Variants in GLIS3 observed in about 807,000 individuals in gnomAD.
GLIS3 encodes GLIS family zinc finger 3.
GLIS3 carries 53 observed loss-of-function variants against 78.6 expected under a neutral mutation model. That is an observed-to-expected ratio of 0.67 (90% CI 0.54 to 0.85). The LOEUF (loss-of-function observed/expected upper bound fraction) is 0.85. Ranked by LOEUF, GLIS3 falls within the 40% of genes least tolerant of loss-of-function variation. The pLI is 0.00. For missense variants in GLIS3, 1,703 were observed against 1,231.1 expected, an observed-to-expected ratio of 1.38 and a Z score of -5.74; for synonymous variants, 684 against 509.9, an observed-to-expected ratio of 1.34 and a Z score of -4.60.
At chr9:4,141,004 T>G (rs756926673) in intron 2 of GLIS3, among the ~76,000 whole-genome samples, 2 of 152,220 alleles carry the variant, frequency 1.3e-5, no homozygotes, top group Non-Finnish European at 2.9e-5. Flanking sequence ...TTCATCATGT[T>G]GGACAGGCTG....
At chr9:4,476,421 G>A in the GLIS3 span, among the ~76,000 whole-genome samples, 8 of 152,172 alleles carry the variant, frequency 5.3e-5, no homozygotes, top group South Asian at 1.7e-3. Context: ...GAGTGCAATG[G>A]CAGGATCTCA....
the GLIS3 span, among the ~76,000 whole-genome samples, chr9:4,456,706 C>T: frequency 6.6e-6 from 1 of 152,136 alleles, no homozygotes; most frequent in Non-Finnish European, 1.5e-5. Flanking sequence ...ACTTAGAGGC[C>T]ATTGTAGGGT....
intron 2 of GLIS3, among the ~76,000 whole-genome samples, chr9:4,200,767 A>G (rs1014578318): frequency 6.6e-6 from 1 of 152,230 alleles, no homozygotes; most frequent in African/African-American, 2.4e-5. Flanking sequence ...TACAAAGAAG[A>G]GCTGATAATA....
intron 4 of GLIS3, among the ~76,000 whole-genome samples, chr9:3,952,886 C>T (rs1178740066): frequency 6.6e-6 from 1 of 152,176 alleles, no homozygotes; most frequent in African/African-American, 2.4e-5. Flanking sequence ...CTTCAGGCCA[C>T]ACTTCGTTTA....
At chr9:4,167,610 A>C (rs1815980083) in intron 2 of GLIS3, among the ~76,000 whole-genome samples, 1 of 152,198 alleles carries the variant, frequency 6.6e-6, no homozygotes, top group Non-Finnish European at 1.5e-5. Flanking sequence ...TTCCTGGTAC[A>C]TAAAGTGAGG....
chr9:3,829,548 T>A, intron 9 of GLIS3, 56 bp from the exon 10 acceptor site: 6 of 1,588,548 alleles, frequency 3.8e-6, no homozygotes, highest in South Asian at 2.2e-5. Flanking sequence ...GTTCCACAGA[T>A]CATTCCAACC....
chr9:4,356,713 C>G, the GLIS3 span, among the ~76,000 whole-genome samples: 1 of 152,150 alleles, frequency 6.6e-6, no homozygotes, highest in African/African-American at 2.4e-5. Context: ...AATCGCATGA[C>G]TATTAGAGCA....
chr9:4,383,037 G>T, the GLIS3 span, among the ~76,000 whole-genome samples: 1 of 152,124 alleles, frequency 6.6e-6, no homozygotes, highest in Non-Finnish European at 1.5e-5. Context: ...ACCTTGCCAA[G>T]AAAATAGACA....
intron 2 of GLIS3, among the ~76,000 whole-genome samples, chr9:4,254,480 A>C (rs1334111369): frequency 1.3e-5 from 2 of 152,222 alleles, no homozygotes; most frequent in Non-Finnish European, 2.9e-5. Context: ...GCCTTTATGG[A>C]AACAGACAAA....
chr9:4,203,403 G>A (rs532489879), intron 2 of GLIS3, among the ~76,000 whole-genome samples: 103 of 152,340 alleles, frequency 6.8e-4, no homozygotes, highest in African/African-American at 2.4e-3. Flanking sequence ...TTTAGCAACT[G>A]TAGAAAGCAG....
chr9:4,194,215 G>A lies in GLIS3; in HGVS notation c.389-68274C>T, dbSNP rs111710699. Among the ~76,000 whole-genome samples the A allele has an allele frequency of 9.0e-4, 136 of 151,908 alleles. 1 individual carries two copies. Among genetic ancestry groups the A allele is most frequent in the African/African-American group, 3.0e-3 (126 of 41,416 alleles). ...TGGGATTACAGGCCCACGCTGCCAC[G>A]CCCAGCTAATTTCTTTTGTATTTTA... On this transcript the variant is annotated intron_variant, in intron 2 of 10. Transcript: ENST00000381971.
chr9:4,119,031 G>A (rs769117471), intron 3 of GLIS3, 150 bp from the exon 4 acceptor site: 2 of 852,186 alleles, frequency 2.3e-6, no homozygotes, highest in African/African-American at 3.4e-5. Context: ...CTTGGGCTAA[G>A]ATAAAATCCA....
the GLIS3 span, among the ~76,000 whole-genome samples, chr9:4,427,012 A>G: frequency 8.5e-5 from 13 of 152,360 alleles, no homozygotes; most frequent in African/African-American, 3.1e-4. Flanking sequence ...ACCATTTTGT[A>G]TCTGATAGAA....
intron 2 of GLIS3, among the ~76,000 whole-genome samples, chr9:4,242,475 C>G (rs1823408519): frequency 6.6e-6 from 1 of 152,148 alleles, no homozygotes; most frequent in Admixed American, 6.6e-5. Flanking sequence ...ATTCCAAAGC[C>G]CCACGTTCCA....
At chr9:4,338,024 CTGTGTGTG>C (rs74777663) in intron 2 of GLIS3, among the ~76,000 whole-genome samples, 22 of 139,076 alleles carry the variant, frequency 1.6e-4, no homozygotes, top group Middle Eastern at 3.5e-3. Flanking sequence ...ATTGGCAAGG[CTGTGTGTG>C]TGTGTGTGTG....
chr9:4,116,695 C>A (rs1225952128), intron 4 of GLIS3, among the ~76,000 whole-genome samples: 1 of 152,148 alleles, frequency 6.6e-6, no homozygotes, highest in Non-Finnish European at 1.5e-5. Context: ...AGAAGGAACT[C>A]GGGCTGGGGA....
At chr9:4,024,296 T>A (rs1294002147) in intron 4 of GLIS3, among the ~76,000 whole-genome samples, 2 of 152,192 alleles carry the variant, frequency 1.3e-5, no homozygotes, top group African/African-American at 2.4e-5. Flanking sequence ...CTAATTAGCA[T>A]CACGGCTGTA....
the GLIS3 span, among the ~76,000 whole-genome samples, chr9:4,356,959 A>G: frequency 2.6e-5 from 4 of 152,234 alleles, no homozygotes; most frequent in African/African-American, 9.6e-5. Context: ...AAGGTGGAAT[A>G]TATTGACTGG....
chr9:4,003,930 A>G (rs1821329678), intron 4 of GLIS3, among the ~76,000 whole-genome samples: 1 of 152,236 alleles, frequency 6.6e-6, no homozygotes, highest in Non-Finnish European at 1.5e-5. Flanking sequence ...AGATCTTAAA[A>G]GGGCTTTTTC....
Sources: gnomAD v4.1 joint callset for allele counts (sites outside exome capture counted in the v4.1 genomes callset) on GRCh38, gnomAD v4.1.1 for gene constraint, MANE v1.5 for transcripts, NCBI Gene and HGNC (gene_info 2026-07-23, HGNC 2026-07-21) for gene names.